EYS: variants seen among roughly 807,000 people sequenced by gnomAD.
The protein encoded by EYS is protein eyes shut homolog.
EYS carries 250 observed loss-of-function variants against 282.1 expected under a neutral mutation model. The observed-to-expected ratio is 0.89, with a 90% confidence interval of 0.80 to 0.98. EYS has a LOEUF of 0.98. EYS is among the 50% of genes least tolerant of loss of function. The probability of loss-of-function intolerance (pLI) is 0.00; values close to 1 mark genes in which losing one functional copy is unlikely to be tolerated. For missense variants in EYS, 4,016 were observed against 3,709.0 expected (o/e 1.08, Z -2.15); for synonymous variants, 1,355 against 1,282.9 (o/e 1.06, Z -1.20).
chr6:64,113,250 T>G (rs1312954480), intron 31 of EYS, among the ~76,000 whole-genome samples: 1 of 152,120 alleles, frequency 6.6e-6, no homozygotes, highest in Non-Finnish European at 1.5e-5. Context: ...AAATTAAAAT[T>G]TAGTTTTAAG....
chr6:64,805,974 C>A (rs1259846627), intron 22 of EYS, among the ~76,000 whole-genome samples: 1 of 151,108 alleles, frequency 6.6e-6, no homozygotes, highest in Non-Finnish European at 1.5e-5. Flanking sequence ...TAAAAAAAAT[C>A]TTACATGTGA....
At chr6:65,515,759 G>A (rs1289130880) in intron 2 of EYS, among the ~76,000 whole-genome samples, 1 of 138,048 alleles carries the variant, frequency 7.2e-6, no homozygotes, top group Admixed American at 8.0e-5. Flanking sequence ...CACGGACACA[G>A]GAAGGGGAAC....
At chr6:64,243,292 G>A (rs1026020691) in intron 30 of EYS, among the ~76,000 whole-genome samples, 1 of 152,008 alleles carries the variant, frequency 6.6e-6, no homozygotes, top group Non-Finnish European at 1.5e-5. Context: ...GCTTTTAAGT[G>A]GAATTGTGTT....
chr6:65,025,477 A>T (rs973772506), intron 13 of EYS, among the ~76,000 whole-genome samples: 1 of 152,220 alleles, frequency 6.6e-6, no homozygotes, highest in Non-Finnish European at 1.5e-5. Flanking sequence ...GCATTTATGC[A>T]TTTAGAGAAT....
At chr6:65,116,903 T>C (rs1775392182) in intron 12 of EYS, among the ~76,000 whole-genome samples, 2 of 152,156 alleles carry the variant, frequency 1.3e-5, no homozygotes, top group Admixed American at 1.3e-4. Flanking sequence ...CCCTATCAGT[T>C]ACTCCCTTCC....
chr6:65,219,731 G>T (rs1335201392), intron 12 of EYS, among the ~76,000 whole-genome samples: 2 of 152,062 alleles, frequency 1.3e-5, no homozygotes, highest in African/African-American at 4.8e-5. Context: ...AGAAAAATAG[G>T]TTTAATGGAC....
At chr6:65,689,464 T>C (rs949928619) in intron 1 of EYS, among the ~76,000 whole-genome samples, 8 of 149,744 alleles carry the variant, frequency 5.3e-5, no homozygotes, top group Non-Finnish European at 1.0e-4. Flanking sequence ...ACATGGCACA[T>C]GTATACGTAT....
At chr6:64,132,526 A>G (rs181820971) in intron 31 of EYS, among the ~76,000 whole-genome samples, 3 of 152,070 alleles carry the variant, frequency 2.0e-5, no homozygotes, top group Non-Finnish European at 4.4e-5. Flanking sequence ...GAGACATAGC[A>G]TAGCTTAACA....
intron 15 of EYS, among the ~76,000 whole-genome samples, chr6:64,942,438 T>C (rs1290240708): frequency 7.0e-6 from 1 of 143,786 alleles, no homozygotes; most frequent in South Asian, 2.3e-4. Flanking sequence ...AAGTTGGTTT[T>C]TTGAAAGCAT....
chr6:64,647,822 G>A (rs1161384546), intron 22 of EYS, among the ~76,000 whole-genome samples: 1 of 152,024 alleles, frequency 6.6e-6, no homozygotes, highest in African/African-American at 2.4e-5. Flanking sequence ...ACTCCTTATA[G>A]GTAGGAACCT....
At chr6:65,395,716 C>T (rs1046002445) in intron 7 of EYS, among the ~76,000 whole-genome samples, 6 of 152,022 alleles carry the variant, frequency 3.9e-5, no homozygotes, top group Admixed American at 1.3e-4. Flanking sequence ...TTGTTTCATG[C>T]TGAGAATGTG....
intron 28 of EYS, among the ~76,000 whole-genome samples, chr6:64,409,665 G>A (rs1298706998): frequency 1.3e-5 from 2 of 152,028 alleles, no homozygotes; most frequent in Admixed American, 1.3e-4. Flanking sequence ...TTATTATTTT[G>A]GGCGCATTGG....
intron 14 of EYS, among the ~76,000 whole-genome samples, chr6:64,953,820 AAC>A (rs1272504995): frequency 3.9e-5 from 6 of 151,962 alleles, no homozygotes; most frequent in Non-Finnish European, 8.8e-5. Context: ...CTTGTAGAAA[AAC>A]ACAATTTCTT....
intron 5 of EYS, among the ~76,000 whole-genome samples, chr6:65,414,610 A>T (rs1218538253): frequency 6.6e-6 from 1 of 152,156 alleles, no homozygotes. Flanking sequence ...ACCAGAAAGA[A>T]AGGATTAATC....
Position 64,083,756 on chromosome 6 carries a change from T to C in EYS, c.6425-1754A>G, listed in dbSNP as rs142761634. Among the ~76,000 whole-genome samples, 292 of 152,366 alleles carry C rather than the reference T, an allele frequency of 1.9e-3. 1 individual carries two copies. Among genetic ancestry groups the C allele is most frequent in the African/African-American group, 6.6e-3 (276 of 41,592 alleles). On this transcript the variant is annotated intron_variant, in intron 31 of 42. Coordinates refer to ENST00000503581, the MANE Select transcript of EYS (RefSeq NM_001142800.2). ...TTTTTTGTTGTTATTTGTTTGTTTT[T>C]TGAGACAGTCTTGCTTCGTTGCCCA... is the stretch of plus-strand genomic sequence containing the variant.
intron 31 of EYS, among the ~76,000 whole-genome samples, chr6:64,087,479 G>T (rs192769905): frequency 1.6e-4 from 24 of 152,132 alleles, no homozygotes; most frequent in Admixed American, 8.5e-4. Context: ...TGAGATGGAA[G>T]ACTAGATAAA....
At chr6:65,660,208 A>G (rs1767957826) in intron 1 of EYS, among the ~76,000 whole-genome samples, 1 of 151,774 alleles carries the variant, frequency 6.6e-6, no homozygotes, top group African/African-American at 2.4e-5. Flanking sequence ...AGGGGTAGTG[A>G]GAATTAGGGA....
At position 64,336,257 on chromosome 6, in the gene EYS, G is replaced by A. The variant is rs1361670350; in HGVS notation, c.6079-29175C>T. Among the ~76,000 whole-genome samples, 3 of 151,938 alleles carry A rather than the reference G, an allele frequency of 2.0e-5. No individual in the cohort carries two copies. The East Asian group carries it at 5.8e-4, about 29-fold the overall frequency. On this transcript the variant is annotated intron_variant, in intron 29 of 42. Transcript: ENST00000503581. ...TCAGGAGACTCACCTAACACAAAAA[G>A]ACTCACATAAACTTAAAGGTGTAGG...
At chr6:63,886,204 A>C (rs969842711) in intron 35 of EYS, among the ~76,000 whole-genome samples, 1 of 152,234 alleles carries the variant, frequency 6.6e-6, no homozygotes, top group African/African-American at 2.4e-5. Context: ...TGGGCCATAC[A>C]AGGATCATCT....
Sources: gnomAD v4.1 joint callset for allele counts (sites outside exome capture counted in the v4.1 genomes callset) on GRCh38, gnomAD v4.1.1 for gene constraint, MANE v1.5 for transcripts, NCBI Gene and HGNC (gene_info 2026-07-23, HGNC 2026-07-21) for gene names.